ROBO1: variants seen among roughly 807,000 people sequenced by gnomAD.
ROBO1 encodes the protein roundabout guidance receptor 1.
In ROBO1, 149 loss-of-function variants were observed where a neutral mutation model predicts 195.9. That is an observed-to-expected ratio of 0.76 (90% CI 0.67 to 0.87). ROBO1 has a LOEUF of 0.87. ROBO1 is among the 40% of genes least tolerant of loss of function. The pLI is 0.00. For missense variants in ROBO1, 1,933 were observed against 2,068.3 expected, an observed-to-expected ratio of 0.93 and a Z score of 1.27; for synonymous variants, 816 against 733.2, an observed-to-expected ratio of 1.11 and a Z score of -1.82.
At chr3:79,519,974 T>C (rs1201267959) in intron 2 of ROBO1, among the ~76,000 whole-genome samples, 22 of 151,658 alleles carry the variant, frequency 1.5e-4, no homozygotes, top group Admixed American at 1.4e-3. Flanking sequence ...TTCTGGGCAA[T>C]AGGAAAAGCC....
intron 4 of ROBO1, among the ~76,000 whole-genome samples, chr3:78,769,167 T>C (rs2083304606): frequency 6.6e-6 from 1 of 152,252 alleles, no homozygotes; most frequent in African/African-American, 2.4e-5. Context: ...AGTATTGAAG[T>C]CCACCACTAT....
chr3:78,980,350 T>A (rs995799611), intron 3 of ROBO1, among the ~76,000 whole-genome samples: 2 of 152,158 alleles, frequency 1.3e-5, no homozygotes, highest in East Asian at 3.9e-4. Flanking sequence ...CAAACTTTCA[T>A]CTGTGTTTGG....
intron 22 of ROBO1, among the ~76,000 whole-genome samples, chr3:78,636,424 AATATATAC>A (rs1705505781): frequency 6.6e-6 from 1 of 152,172 alleles, no homozygotes; most frequent in Non-Finnish European, 1.5e-5. Flanking sequence ...CCACTAAAAT[AATATATAC>A]ATGTATATCT....
At chr3:78,930,710 C>T (rs142438380) in intron 4 of ROBO1, among the ~76,000 whole-genome samples, 3 of 152,212 alleles carry the variant, frequency 2.0e-5, no homozygotes, top group Admixed American at 6.5e-5. Flanking sequence ...AAATCTAATC[C>T]TCTCTTTTCT....
chr3:78,616,218 A>G lies in ROBO1; in HGVS notation c.4282+1417T>C, dbSNP rs927130042. Reference sequence around the variant, plus strand: ...GAAATATTTTCTAACGTATTCTCAAAGCAGTGGTTTGAGATACTTAATTTC... The same window carrying G: ...GAAATATTTTCTAACGTATTCTCAAGGCAGTGGTTTGAGATACTTAATTTC... On this transcript the variant is annotated intron_variant, in intron 27 of 30. Transcript: ENST00000464233. 2.0e-5 allele frequency among the ~76,000 whole-genome samples: 3 copies of G among 152,196 alleles called. No homozygotes were observed. The East Asian group carries it at 5.8e-4, about 29-fold the overall frequency.
Position 79,733,529 on chromosome 3 carries a change from T to C in ROBO1, c.-51+34223A>G, listed in dbSNP as rs191034721. Reference sequence around the variant, plus strand: ...AGACCCCACTCACCCATGTAAGCCATCAGTGCTAAAGATGGGCTGAATTGG... The same window carrying C: ...AGACCCCACTCACCCATGTAAGCCACCAGTGCTAAAGATGGGCTGAATTGG... On this transcript the variant is annotated intron_variant, in intron 1 of 30. Coordinates refer to ENST00000464233, the MANE Select transcript of ROBO1 (RefSeq NM_002941.4). 4.5e-3 allele frequency among the ~76,000 whole-genome samples: 691 copies of C among 152,266 alleles called. 5 individuals carry two copies. Among genetic ancestry groups the C allele is most frequent in the Middle Eastern group, 0.031 (9 of 294 alleles).
chr3:79,048,845 C>T (rs1017412886), intron 3 of ROBO1, among the ~76,000 whole-genome samples: 6 of 152,010 alleles, frequency 3.9e-5, no homozygotes, highest in African/African-American at 1.4e-4. Context: ...GATACGAATA[C>T]CATAAACATC....
At chr3:79,239,774 T>G (rs1461386820) in intron 2 of ROBO1, among the ~76,000 whole-genome samples, 1 of 152,240 alleles carries the variant, frequency 6.6e-6, no homozygotes, top group Non-Finnish European at 1.5e-5. Flanking sequence ...AACTGAATAT[T>G]ATTGCTTAGC....
chr3:79,060,608 G>A lies in ROBO1; in HGVS notation c.172+64848C>T, dbSNP rs182265511. 5.3e-5 allele frequency among the ~76,000 whole-genome samples: 8 copies of A among 152,052 alleles called. No homozygotes were observed. In the East Asian group the frequency reaches 1.6e-3, roughly 30 times the overall value. On this transcript the variant is annotated intron_variant, in intron 3 of 30. Coordinates refer to ENST00000464233, the MANE Select transcript of ROBO1 (RefSeq NM_002941.4). ...CTGGTTCCCCCCATAATAAAATATG[G>A]GCAAACTGAATCCAGCAGCAGATAA...
intron 1 of ROBO1, among the ~76,000 whole-genome samples, chr3:79,690,620 T>C (rs1240965516): frequency 1.3e-5 from 2 of 152,092 alleles, no homozygotes; most frequent in East Asian, 1.9e-4. Context: ...TTAGTTACAG[T>C]GGCAATAGAA....
chr3:79,344,534 G>A (rs548972584), intron 2 of ROBO1, among the ~76,000 whole-genome samples: 13 of 152,040 alleles, frequency 8.6e-5, no homozygotes, highest in African/African-American at 2.2e-4. Flanking sequence ...CAGCAACAGC[G>A]GCTATAAAGT....
At chr3:79,236,883 C>T (rs2082415379) in intron 2 of ROBO1, among the ~76,000 whole-genome samples, 2 of 152,104 alleles carry the variant, frequency 1.3e-5, no homozygotes, top group Admixed American at 6.5e-5. Context: ...TCAACTTTTG[C>T]TACAGTAGGA....
At chr3:79,546,125 T>C (rs1394792707) in intron 2 of ROBO1, among the ~76,000 whole-genome samples, 2 of 152,094 alleles carry the variant, frequency 1.3e-5, no homozygotes, top group Admixed American at 6.6e-5. Context: ...AATGTATGTA[T>C]AATACATACA....
At chr3:78,717,234 T>G in intron 7 of ROBO1, 41 bp downstream of exon 7, 1 of 1,514,740 alleles carries the variant, frequency 6.6e-7, no homozygotes, top group Non-Finnish European at 8.8e-7. Context: ...AACGTAGAAA[T>G]GCTGAGTTGA....
rs1376803412 is a variant in ROBO1 at position 78,681,206 on chromosome 3, A to T, written c.1342+4540T>A. Among the ~76,000 whole-genome samples the T allele has an allele frequency of 5.3e-5, 8 of 152,020 alleles. No homozygotes were observed. In the South Asian group the frequency reaches 1.0e-3, roughly 20 times the overall value. ...TGTGGGGTGGGGGGAGTGGGGAGGG[A>T]TAGCATTAGGAGATATACCTAATGC... On this transcript the variant is annotated intron_variant, in intron 10 of 30. Transcript: ENST00000464233.
At chr3:79,055,975 T>C (rs2078800049) in intron 3 of ROBO1, among the ~76,000 whole-genome samples, 1 of 152,094 alleles carries the variant, frequency 6.6e-6, no homozygotes. Context: ...CCTGTGTTTC[T>C]AGTAAAAAAG....
chr3:79,174,460 ACACT>A (rs1273568120), intron 2 of ROBO1, among the ~76,000 whole-genome samples: 3 of 152,126 alleles, frequency 2.0e-5, no homozygotes, highest in African/African-American at 4.8e-5. Flanking sequence ...AAGAACTGTA[ACACT>A]CACCGCGAGG....
chr3:79,537,916 C>A (rs1559974366), intron 2 of ROBO1, among the ~76,000 whole-genome samples: 1 of 151,644 alleles, frequency 6.6e-6, no homozygotes, highest in African/African-American at 2.4e-5. Flanking sequence ...TAAAAAAACA[C>A]AAAAAAATAC....
chr3:79,050,540 A>T (rs2078677083), intron 3 of ROBO1, among the ~76,000 whole-genome samples: 1 of 152,158 alleles, frequency 6.6e-6, no homozygotes, highest in Non-Finnish European at 1.5e-5. Flanking sequence ...GCTTTGGACC[A>T]AGCGGACCTA....
Sources: gnomAD v4.1 joint callset for allele counts (sites outside exome capture counted in the v4.1 genomes callset) on GRCh38, gnomAD v4.1.1 for gene constraint, MANE v1.5 for transcripts, NCBI Gene and HGNC (gene_info 2026-07-23, HGNC 2026-07-21) for gene names.